The following GRM1 variants were observed in gnomAD, a reference collection of about 807,000 sequenced individuals.
The protein encoded by GRM1 is metabotropic glutamate receptor 1.
A neutral mutation model predicts 90.9 loss-of-function variants in GRM1; 33 were observed. The ratio of observed to expected loss-of-function variants is 0.36; its 90% CI spans 0.28 to 0.49. The LOEUF (loss-of-function observed/expected upper bound fraction) is 0.49. GRM1 is among the 20% of genes least tolerant of loss of function. The pLI, the probability that GRM1 is intolerant of heterozygous loss-of-function variation, is 0.99. For missense variants in GRM1, 1,190 were observed against 1,534.3 expected, an observed-to-expected ratio of 0.78 and a Z score of 3.75; for synonymous variants, 700 against 613.2, an observed-to-expected ratio of 1.14 and a Z score of -2.09.
chr6:146,326,537 C>T (rs549685607), intron 3 of GRM1, among the ~76,000 whole-genome samples: 1 of 152,094 alleles, frequency 6.6e-6, no homozygotes, highest in African/African-American at 2.4e-5. Context: ...AATAAACCCC[C>T]AGAACACAAG....
At chr6:146,320,456 G>A (rs768247128) in intron 3 of GRM1, among the ~76,000 whole-genome samples, 2 of 152,140 alleles carry the variant, frequency 1.3e-5, no homozygotes, top group Non-Finnish European at 2.9e-5. Context: ...CCAGATTTTG[G>A]TATCAGGATG....
intron 2 of GRM1, among the ~76,000 whole-genome samples, chr6:146,213,118 G>A (rs540949852): frequency 6.6e-6 from 1 of 152,190 alleles, no homozygotes; most frequent in East Asian, 1.9e-4. Flanking sequence ...TTTTCTAGAG[G>A]AATTAATAGC....
rs905731086 is a variant in GRM1, at chr6:146,324,560, T to C, written c.1186+19714T>C. 3.9e-5 allele frequency among the ~76,000 whole-genome samples: 6 copies of C among 152,324 alleles called. No homozygotes were observed. The East Asian group carries it at 1.2e-3, about 29-fold the overall frequency. ...TCCCAGGGCCCTGGTGGTATGGGCA[T>C]CTGAGGGAATCTCCTCATCTGTGGG... On this transcript the variant is annotated intron_variant, in intron 3 of 7. Coordinates refer to ENST00000282753, the MANE Select transcript of GRM1 (RefSeq NM_001278064.2).
intron 2 of GRM1, among the ~76,000 whole-genome samples, chr6:146,188,149 G>T (rs1778802477): frequency 6.6e-6 from 1 of 151,938 alleles, no homozygotes. Flanking sequence ...AAACCCCTGT[G>T]GTCACTGTAC....
At chr6:146,211,347 G>GAAA (rs58945695) in intron 2 of GRM1, among the ~76,000 whole-genome samples, 1 of 125,470 alleles carries the variant, frequency 8.0e-6, no homozygotes, top group Non-Finnish European at 1.8e-5. Flanking sequence ...TCTAATGATA[G>GAAA]AAAAAAAAAA....
At chr6:146,290,687 G>A (rs1323407193) in intron 2 of GRM1, among the ~76,000 whole-genome samples, 1 of 152,072 alleles carries the variant, frequency 6.6e-6, no homozygotes, top group Non-Finnish European at 1.5e-5. Flanking sequence ...ATGCCTGTCC[G>A]ACTATTGTAT....
At chr6:146,200,661 G>C (rs1475730021) in intron 2 of GRM1, among the ~76,000 whole-genome samples, 1 of 152,098 alleles carries the variant, frequency 6.6e-6, no homozygotes, top group African/African-American at 2.4e-5. Context: ...GCTCTAAGAA[G>C]TACATGCCAA....
chr6:146,327,278 G>A (rs1784427492), intron 3 of GRM1, among the ~76,000 whole-genome samples: 1 of 152,028 alleles, frequency 6.6e-6, no homozygotes, highest in Admixed American at 6.6e-5. Context: ...TGTATAATAA[G>A]GGTTACGTAA....
At chr6:146,302,348 C>T (rs1238132289) in intron 2 of GRM1, among the ~76,000 whole-genome samples, 3 of 149,140 alleles carry the variant, frequency 2.0e-5, no homozygotes, top group African/African-American at 7.4e-5. Flanking sequence ...AGTTAAACCC[C>T]CAAGCTATCG....
intron 1 of GRM1, among the ~76,000 whole-genome samples, chr6:146,110,109 C>T (rs566233464): frequency 2.8e-4 from 43 of 152,106 alleles, no homozygotes; most frequent in African/African-American, 9.6e-4. Context: ...AGACTTTGGG[C>T]GGCTGTTGGG....
At chr6:146,114,143 G>A (rs1055664935) in intron 1 of GRM1, among the ~76,000 whole-genome samples, 1 of 152,082 alleles carries the variant, frequency 6.6e-6, no homozygotes, top group Non-Finnish European at 1.5e-5. Flanking sequence ...TTTCTACATC[G>A]AGAATTTGGA....
At chr6:146,343,499 A>C (rs1203266824) in intron 3 of GRM1, among the ~76,000 whole-genome samples, 3 of 152,030 alleles carry the variant, frequency 2.0e-5, no homozygotes, top group African/African-American at 7.2e-5. Context: ...TATTTATATC[A>C]GCATGGGTAT....
At chr6:146,297,377 G>C (rs1306376130) in intron 2 of GRM1, among the ~76,000 whole-genome samples, 1 of 152,016 alleles carries the variant, frequency 6.6e-6, no homozygotes, top group Non-Finnish European at 1.5e-5. Flanking sequence ...AGCCAGGATG[G>C]TCTCAATCTC....
intron 2 of GRM1, among the ~76,000 whole-genome samples, chr6:146,201,176 T>C (rs185120593): frequency 6.6e-6 from 1 of 152,336 alleles, no homozygotes; most frequent in Admixed American, 6.5e-5. Context: ...TGTGTTAAAA[T>C]TTGAGTTGCT....
At chr6:146,433,505 T>C (rs1778484127) in intron 7 of GRM1, among the ~76,000 whole-genome samples, 1 of 151,128 alleles carries the variant, frequency 6.6e-6, no homozygotes, top group South Asian at 2.1e-4. Context: ...TTTTCCTCCA[T>C]CAGTTGGGAG....
In GRM1 at chr6:146,030,120, C is replaced by T; in HGVS notation, c.603C>T (p.Phe201=). The T allele has an allele frequency of 6.2e-7, 1 of 1,614,096 alleles. No individual in the cohort carries two copies. Among genetic ancestry groups the T allele is most frequent in the Admixed American group, 1.7e-5 (1 of 60,024 alleles). The change falls in exon 1 of 8, where the codon TTC becomes TTT. Residue 201 remains phenylalanine, a synonymous_variant. Transcript: ENST00000282753. ...DLSDKTLYKY[F]LRVVPSDTLQ... ...GTGACAAAACTTTGTACAAATACTT[C>T]CTGAGGGTTGTCCCTTCTGACACTT... is the stretch of plus-strand genomic sequence containing the variant.
intron 6 of GRM1, among the ~76,000 whole-genome samples, chr6:146,392,504 T>C (rs2114551260): frequency 6.6e-6 from 1 of 152,326 alleles, no homozygotes; most frequent in East Asian, 1.9e-4. Context: ...GTATTGTTAT[T>C]GGAAAAGTTA....
intron 7 of GRM1, among the ~76,000 whole-genome samples, chr6:146,413,877 T>C (rs1291782532): frequency 1.3e-5 from 2 of 152,228 alleles, no homozygotes; most frequent in Non-Finnish European, 2.9e-5. Flanking sequence ...TCCATGTTCT[T>C]GCATGTAACA....
At chr6:146,388,507 T>A (rs1472984846) in intron 6 of GRM1, among the ~76,000 whole-genome samples, 4 of 152,090 alleles carry the variant, frequency 2.6e-5, no homozygotes, top group African/African-American at 9.7e-5. Flanking sequence ...GACAATACCT[T>A]GTAAAATGTT....
Sources: gnomAD v4.1 joint callset for allele counts (sites outside exome capture counted in the v4.1 genomes callset) on GRCh38, gnomAD v4.1.1 for gene constraint, MANE v1.5 for transcripts, NCBI Gene and HGNC (gene_info 2026-07-23, HGNC 2026-07-21) for gene names.